Variants in TMEM35A observed in about 807,000 individuals in gnomAD.
TMEM35A encodes nicotinic acetylcholine receptor chaperone.
For synonymous variants in TMEM35A, 50 were observed against 54.7 expected (o/e 0.91, Z 0.38); for missense variants, 83 against 132.7 (o/e 0.63, Z 1.84).
At chrX:101,086,036 A>G (rs2089306447) in intron 1 of TMEM35A, among the ~76,000 whole-genome samples, 1 of 112,435 alleles carries the variant, frequency 8.9e-6, no homozygotes, top group Non-Finnish European at 1.9e-5. Flanking sequence ...TCATACCACA[A>G]GAATGGATCT....
intron 1 of TMEM35A, among the ~76,000 whole-genome samples, chrX:101,085,070 A>G (rs2089303151): frequency 9.0e-6 from 1 of 111,434 alleles, no homozygotes; most frequent in Non-Finnish European, 1.9e-5. Context: ...ATATTAGCCA[A>G]TTTATCTTTT....
intron 1 of TMEM35A, among the ~76,000 whole-genome samples, chrX:101,086,679 T>C (rs1051155999): frequency 8.9e-6 from 1 of 112,037 alleles, no homozygotes; most frequent in Non-Finnish European, 1.9e-5. Flanking sequence ...GACATTTAAC[T>C]AAGCCCATCT....
At chrX:101,089,112 G>A (rs181232859) in intron 1 of TMEM35A, among the ~76,000 whole-genome samples, 1 of 111,209 alleles carries the variant, frequency 9.0e-6, no homozygotes, top group African/African-American at 3.3e-5. Flanking sequence ...TTCAGCCCAA[G>A]GTTTTACTCT....
At chrX:101,087,624 C>T (rs1430598656) in intron 1 of TMEM35A, among the ~76,000 whole-genome samples, 2 of 111,514 alleles carry the variant, frequency 1.8e-5, no homozygotes, top group East Asian at 2.8e-4. Flanking sequence ...AGTTTGGCCC[C>T]GGGCTACAGA....
At chrX:101,093,406 T>C (rs1461906415) in intron 1 of TMEM35A, among the ~76,000 whole-genome samples, 2 of 110,783 alleles carry the variant, frequency 1.8e-5, no homozygotes, top group African/African-American at 6.6e-5. Context: ...TTCTGCCTCC[T>C]GGGTTCAAGT....
intron 1 of TMEM35A, among the ~76,000 whole-genome samples, chrX:101,084,476 G>C (rs1234624554): frequency 9.1e-6 from 1 of 109,993 alleles, no homozygotes; most frequent in Non-Finnish European, 1.9e-5. Flanking sequence ...AAATCTTATT[G>C]AAGTATAACA....
intron 1 of TMEM35A, among the ~76,000 whole-genome samples, chrX:101,083,605 T>C (rs1011485221): frequency 3.6e-5 from 4 of 112,112 alleles, no homozygotes; most frequent in African/African-American, 1.3e-4. Context: ...AAGCTTCCAA[T>C]CACTGCTATT....
At chrX:101,094,123 A>ATT (rs1248678416) in intron 1 of TMEM35A, among the ~76,000 whole-genome samples, 207 of 104,847 alleles carry the variant, frequency 2.0e-3, no homozygotes, top group African/African-American at 6.7e-3. Flanking sequence ...TTGTGTTTGG[A>ATT]TTTTTTTTTT....
chrX:101,079,823 G>C (rs1376418934), intron 1 of TMEM35A, among the ~76,000 whole-genome samples: 1 of 111,830 alleles, frequency 8.9e-6, no homozygotes, highest in Non-Finnish European at 1.9e-5. Flanking sequence ...CCCGCAAACA[G>C]TCCGTAATCC....
chrX:101,084,756 C>T (rs763955534), intron 1 of TMEM35A, among the ~76,000 whole-genome samples: 1 of 110,895 alleles, frequency 9.0e-6, no homozygotes, highest in African/African-American at 3.3e-5. Context: ...TCCCAGCTAC[C>T]TGGGAGGCTG....
chrX:101,086,138 T>G (rs1477148855), intron 1 of TMEM35A, among the ~76,000 whole-genome samples: 2 of 111,038 alleles, frequency 1.8e-5, no homozygotes, highest in Non-Finnish European at 3.8e-5. Flanking sequence ...TTTTTGTTTT[T>G]GAGACAGCAT....
intron 1 of TMEM35A, among the ~76,000 whole-genome samples, chrX:101,088,854 G>A (rs1449577269): frequency 9.1e-6 from 1 of 110,161 alleles, no homozygotes; most frequent in African/African-American, 3.3e-5. Context: ...GCAGTGAGCC[G>A]AGCCACTGCA....
At chrX:101,082,135 T>TTC (rs1224194119) in intron 1 of TMEM35A, among the ~76,000 whole-genome samples, 143 of 78,096 alleles carry the variant, frequency 1.8e-3, no homozygotes, top group African/African-American at 0.011. Flanking sequence ...CTTTCTTTCT[T>TTC]TTTTTTTTTT....
At chrX:101,092,344 T>G (rs1344767127) in intron 1 of TMEM35A, among the ~76,000 whole-genome samples, 2 of 111,882 alleles carry the variant, frequency 1.8e-5, no homozygotes, top group African/African-American at 3.2e-5. Flanking sequence ...AAATGGATAG[T>G]GAAAAATATG....
intron 1 of TMEM35A, among the ~76,000 whole-genome samples, chrX:101,094,072 A>G (rs1313517643): frequency 9.0e-6 from 1 of 111,433 alleles, no homozygotes; most frequent in Admixed American, 9.5e-5. Context: ...CATAGCAAAG[A>G]TGCTACTAAG....
rs1444341732 is a variant in TMEM35A, at chrX:101,095,439, T to C, written c.*483T>C. On this transcript the variant is annotated 3_prime_UTR_variant, in exon 2 of 2. Coordinates refer to ENST00000372930, the MANE Select transcript of TMEM35A (RefSeq NM_021637.3). Reference sequence around the variant, plus strand: ...CAGCAAAGGCGGAATAAAACAAATTTCCTATGAAGAGAATCCTGATATGAA... The same window carrying C: ...CAGCAAAGGCGGAATAAAACAAATTCCCTATGAAGAGAATCCTGATATGAA... 1 of 109,290 alleles carries C rather than the reference T, an allele frequency of 9.1e-6. No individual in the cohort carries two copies. Among genetic ancestry groups the C allele is most frequent in the Non-Finnish European group, 1.9e-5 (1 of 52,732 alleles). 9.0% of individuals were successfully genotyped at this position (109,290 alleles called of 1,213,427 possible).
At chrX:101,085,991 A>G (rs904793563) in intron 1 of TMEM35A, among the ~76,000 whole-genome samples, 1 of 112,114 alleles carries the variant, frequency 8.9e-6, no homozygotes, top group African/African-American at 3.2e-5. Flanking sequence ...AAAAGGCTCC[A>G]TATGCTTTTG....
chrX:101,081,104 T>G (rs1470515020), intron 1 of TMEM35A, among the ~76,000 whole-genome samples: 1 of 112,510 alleles, frequency 8.9e-6, no homozygotes, highest in African/African-American at 3.2e-5. Context: ...TAGGAACATA[T>G]TTAAATAGAT....
chrX:101,094,338 T>C, intron 1 of TMEM35A: 1 of 269,376 alleles, frequency 3.7e-6, no homozygotes, highest in Non-Finnish European at 6.5e-6. Context: ...CTGTCTCCAA[T>C]TCCCGGCCTC....
Sources: allele counts gnomAD v4.1 joint callset (sites outside exome capture counted in the v4.1 genomes callset), GRCh38; gene constraint gnomAD v4.1.1; transcripts MANE v1.5; gene names NCBI Gene and HGNC (gene_info 2026-07-23, HGNC 2026-07-21).